The following CFAP77 variants were observed in gnomAD, a reference collection of about 807,000 sequenced individuals.
CFAP77 encodes the protein cilia and flagella associated protein 77.
CFAP77 carries 25 observed loss-of-function variants against 31.1 expected under a neutral mutation model. The observed-to-expected ratio is 0.80, with a 90% CI of 0.59 to 1.12. The LOEUF is 1.12. CFAP77 is among the 50% of genes most tolerant of loss of function. CFAP77 has a pLI of 0.00. For missense variants in CFAP77, 377 were observed against 397.3 expected (o/e 0.95, Z 0.44); for synonymous variants, 151 against 159.9 (o/e 0.94, Z 0.42).
Position 132,497,949 on chromosome 9 carries a change from T to C in CFAP77, c.196-746T>C, listed in dbSNP as rs116602110. On this transcript the variant is annotated intron_variant, in intron 1 of 5. Coordinates refer to ENST00000393216, the MANE Select transcript of CFAP77 (RefSeq NM_001282957.2). This position sits in a 1 kb window ranked among gnomAD's most constrained non-coding sequence, Gnocchi z 4.9. ...AGTCAAGAGGACAGGCACGCCTCCA[T>C]GCGATGCCCTGCCCAGCGCTTGGGG... 0.016 allele frequency among the ~76,000 whole-genome samples: 2,508 copies of C among 152,214 alleles called. 30 individuals are homozygous for C. Among genetic ancestry groups the C allele is most frequent in the East Asian group, 0.056 (288 of 5,170 alleles).
At chr9:132,491,830 C>T (rs1851657379) in intron 1 of CFAP77, among the ~76,000 whole-genome samples, 1 of 152,184 alleles carries the variant, frequency 6.6e-6, no homozygotes, top group Non-Finnish European at 1.5e-5. Context: ...GCCGTAGGAA[C>T]TGAATTCTTG....
At chr9:132,440,367 A>G (rs1564204745) in intron 1 of CFAP77, among the ~76,000 whole-genome samples, 1 of 152,024 alleles carries the variant, frequency 6.6e-6, no homozygotes, top group Admixed American at 6.6e-5. Context: ...AATAATAATA[A>G]TAAACAACTC....
chr9:132,531,103 C>T (rs1852438832), intron 3 of CFAP77, among the ~76,000 whole-genome samples: 1 of 152,210 alleles, frequency 6.6e-6, no homozygotes, highest in Admixed American at 6.5e-5. Context: ...TTTATTATAA[C>T]TCACATATAG....
At chr9:132,479,686 C>T (rs1851414529) in intron 1 of CFAP77, among the ~76,000 whole-genome samples, 1 of 152,204 alleles carries the variant, frequency 6.6e-6, no homozygotes, top group Non-Finnish European at 1.5e-5. Context: ...AGCGTGTGGG[C>T]AGGTGGGCCG....
chr9:132,446,960 G>A (rs1018243126), intron 1 of CFAP77, among the ~76,000 whole-genome samples: 8 of 151,688 alleles, frequency 5.3e-5, no homozygotes, highest in Admixed American at 5.3e-4. Flanking sequence ...TCCCTATGTT[G>A]CCCAGGCTGG....
intron 1 of CFAP77, among the ~76,000 whole-genome samples, chr9:132,483,373 G>A (rs546891808): frequency 6.6e-6 from 1 of 152,306 alleles, no homozygotes; most frequent in Admixed American, 6.5e-5. Context: ...ATATATTAGA[G>A]TGGCCACCCA....
rs777894358 is a variant in CFAP77, at chr9:132,517,463, C to T, written c.524+17863C>T. Among the ~76,000 whole-genome samples the T allele has an allele frequency of 3.3e-5, 5 of 152,216 alleles. No individual in the cohort carries two copies. The highest frequency in any genetic ancestry group is 7.3e-5 in the Non-Finnish European group (5 of 68,040). ...AAAAAATCGCCTCTGGCTACTAAAC[C>T]GAATTAGTAGTCACTGATGACCAAT... On this transcript the variant is annotated intron_variant, in intron 3 of 5. Coordinates refer to ENST00000393216, the MANE Select transcript of CFAP77 (RefSeq NM_001282957.2). The surrounding 1 kb of genome is among the most constrained non-coding windows in gnomAD (Gnocchi z 4.7).
chr9:132,546,728 C>G (rs1198759913), intron 5 of CFAP77, among the ~76,000 whole-genome samples: 1 of 152,234 alleles, frequency 6.6e-6, no homozygotes, highest in Non-Finnish European at 1.5e-5. Context: ...TGTCTTCTTT[C>G]TGGTCTGTGC....
chr9:132,507,044 A>G (rs553931565), intron 3 of CFAP77, among the ~76,000 whole-genome samples: 42 of 152,288 alleles, frequency 2.8e-4, no homozygotes, highest in South Asian at 8.3e-4. Context: ...ATTTTTCTTA[A>G]GGCTTTAGAA....
chr9:132,496,205 T>TA lies in CFAP77; in HGVS notation c.196-2490_196-2489insA, dbSNP rs546569553. On this transcript the variant is annotated intron_variant, in intron 1 of 5. Coordinates refer to ENST00000393216, the MANE Select transcript of CFAP77 (RefSeq NM_001282957.2). ...GCTGTAAAATATAAAGTCTATTTTT[T>TA]TAAAAAAAACCTTAAAAAATAAAGA... Among the ~76,000 whole-genome samples the TA allele has an allele frequency of 4.0e-3, 590 of 148,630 alleles. 7 individuals are homozygous for TA. The highest frequency in any genetic ancestry group is 0.014 in the African/African-American group (565 of 39,098).
At chr9:132,568,835 G>C (rs1006450258) in intron 5 of CFAP77, among the ~76,000 whole-genome samples, 7 of 152,026 alleles carry the variant, frequency 4.6e-5, no homozygotes, top group African/African-American at 1.4e-4. Context: ...AAGTAGCTGG[G>C]ACTATAGGCA....
At chr9:132,427,489 G>A (rs761644528) in intron 1 of CFAP77, among the ~76,000 whole-genome samples, 5 of 152,074 alleles carry the variant, frequency 3.3e-5, no homozygotes, top group Admixed American at 6.6e-5. Context: ...GGCTGGGTAC[G>A]GTGTAATCCC....
chr9:132,496,624 A>C (rs1851747492), intron 1 of CFAP77, among the ~76,000 whole-genome samples: 1 of 152,186 alleles, frequency 6.6e-6, no homozygotes, highest in African/African-American at 2.4e-5. Context: ...GCTTCTCAGC[A>C]TGATGTTGCC....
chr9:132,418,243 T>C (rs1589838210), intron 1 of CFAP77, among the ~76,000 whole-genome samples: 1 of 152,344 alleles, frequency 6.6e-6, no homozygotes, highest in East Asian at 1.9e-4. Context: ...TTTTTGGTTA[T>C]TACACCTGGC....
At chr9:132,476,778 A>T (rs1564218484) in intron 1 of CFAP77, among the ~76,000 whole-genome samples, 1 of 152,168 alleles carries the variant, frequency 6.6e-6, no homozygotes, top group Non-Finnish European at 1.5e-5. Context: ...GACTGCCAGC[A>T]ACCACCAGCA....
intron 1 of CFAP77, among the ~76,000 whole-genome samples, chr9:132,438,541 A>ATATATATATATAT: frequency 1.2e-4 from 13 of 108,128 alleles, no homozygotes; most frequent in African/African-American, 5.3e-4. Flanking sequence ...ATATATATAT[A>ATATATATATATAT]TTTTTTTTTT....
intron 5 of CFAP77, among the ~76,000 whole-genome samples, chr9:132,543,345 C>G (rs1283277808): frequency 6.6e-6 from 1 of 152,258 alleles, no homozygotes; most frequent in African/African-American, 2.4e-5. Flanking sequence ...CCCAGACCAT[C>G]TGGGTGCAGA....
At chr9:132,473,996 C>T (rs1851305957) in intron 1 of CFAP77, among the ~76,000 whole-genome samples, 1 of 152,138 alleles carries the variant, frequency 6.6e-6, no homozygotes, top group African/African-American at 2.4e-5. Context: ...TCTTGGCTTT[C>T]TGAACACAGA....
chr9:132,485,350 G>C (rs773390327), intron 1 of CFAP77, among the ~76,000 whole-genome samples: 1 of 152,168 alleles, frequency 6.6e-6, no homozygotes, highest in African/African-American at 2.4e-5. Context: ...AGAAAACTGA[G>C]ACTCGGAGGT....
Sources: gnomAD v4.1 joint callset for allele counts (sites outside exome capture counted in the v4.1 genomes callset) on GRCh38, gnomAD v4.1.1 for gene constraint, Gnocchi (gnomAD v3.1) non-coding constraint, MANE v1.5 for transcripts, NCBI Gene and HGNC (gene_info 2026-07-23, HGNC 2026-07-21) for gene names.